PPP4R4: variants seen among roughly 807,000 people sequenced by gnomAD.
PPP4R4 encodes protein phosphatase 4 regulatory subunit 4, also known as serine/threonine-protein phosphatase 4 regulatory subunit 4.
In PPP4R4, 70 loss-of-function variants were observed where a neutral mutation model predicts 121.8. The observed-to-expected ratio is 0.57, with a 90% confidence interval of 0.47 to 0.70. The LOEUF (loss-of-function observed/expected upper bound fraction) is 0.70, where lower values mean the gene tolerates loss of function less well. PPP4R4 is among the 30% of genes least tolerant of loss of function. The pLI, the probability that PPP4R4 is intolerant of heterozygous loss-of-function variation, is 0.00. For missense variants in PPP4R4, 875 were observed against 1,033.6 expected (o/e 0.85, Z 2.10); for synonymous variants, 348 against 355.7 (o/e 0.98, Z 0.24).
chr14:94,253,925 A>G (rs950371369), intron 16 of PPP4R4, among the ~76,000 whole-genome samples: 1 of 152,182 alleles, frequency 6.6e-6, no homozygotes, highest in African/African-American at 2.4e-5. Context: ...CATCACAGGC[A>G]AGGGTGGTAG....
chr14:94,235,047 A>T (rs1007692643), intron 7 of PPP4R4, among the ~76,000 whole-genome samples: 4 of 152,200 alleles, frequency 2.6e-5, no homozygotes, highest in Non-Finnish European at 5.9e-5. Context: ...AAATCTGAGG[A>T]TGCTCAAGTC....
At chr14:94,275,664 A>T in intron 24 of PPP4R4, 143 bp downstream of exon 24, 1 of 923,380 alleles carries the variant, frequency 1.1e-6, no homozygotes, top group Non-Finnish European at 1.6e-6. Context: ...TTATTGTCAC[A>T]TGTGACTCTG....
intron 2 of PPP4R4, among the ~76,000 whole-genome samples, chr14:94,203,659 G>A (rs954408783): frequency 3.9e-5 from 6 of 152,044 alleles, no homozygotes; most frequent in East Asian, 1.9e-4. Context: ...TGGCTATACC[G>A]GCTTACATTC....
At chr14:94,202,287 C>T (rs1253733387) in intron 2 of PPP4R4, among the ~76,000 whole-genome samples, 1 of 151,924 alleles carries the variant, frequency 6.6e-6, no homozygotes, top group Non-Finnish European at 1.5e-5. Context: ...CCACCTGTTC[C>T]CCAAAAACCT....
intron 3 of PPP4R4, among the ~76,000 whole-genome samples, chr14:94,223,188 G>T (rs1029004861): frequency 2.0e-5 from 3 of 151,906 alleles, no homozygotes; most frequent in Non-Finnish European, 2.9e-5. Flanking sequence ...CTTTTGGCAT[G>T]TTTATATTTT....
intron 14 of PPP4R4, among the ~76,000 whole-genome samples, chr14:94,248,329 T>C (rs980116202): frequency 6.6e-6 from 1 of 152,018 alleles, no homozygotes; most frequent in African/African-American, 2.4e-5. Flanking sequence ...ACAAAAAAAA[T>C]ATCCAGTAAC....
chr14:94,175,264 C>T (rs1045853025), intron 1 of PPP4R4, among the ~76,000 whole-genome samples: 1 of 151,988 alleles, frequency 6.6e-6, no homozygotes, highest in Admixed American at 6.5e-5. Flanking sequence ...TCGTCCTGGT[C>T]CCTGTCTACA....
chr14:94,190,827 T>C (rs890224272), intron 2 of PPP4R4, among the ~76,000 whole-genome samples: 10 of 151,936 alleles, frequency 6.6e-5, no homozygotes, highest in African/African-American at 2.4e-4. Flanking sequence ...TTTGATAATA[T>C]TCCCTTTTAC....
At chr14:94,269,106 G>T (rs1245369220) in intron 23 of PPP4R4, among the ~76,000 whole-genome samples, 1 of 152,096 alleles carries the variant, frequency 6.6e-6, no homozygotes, top group Non-Finnish European at 1.5e-5. Flanking sequence ...TCTATAAAGA[G>T]AAAATGGAAG....
Position 94,187,490 on chromosome 14 carries a change from A to G in PPP4R4, c.191+11363A>G, listed in dbSNP as rs117117105. The stretch of plus-strand genomic sequence containing the variant: ...CAAAGTTAGTATAGAAAGTTCCTAT[A>G]TATCTTCCACCAGTGTCCCCTAATG... On this transcript the variant is annotated intron_variant, in intron 2 of 24. Transcript: ENST00000304338. Among the ~76,000 whole-genome samples, 539 of 152,270 alleles carry G rather than the reference A, an allele frequency of 3.5e-3. 3 individuals carry two copies. Among genetic ancestry groups the G allele is most frequent in the Non-Finnish European group, 5.9e-3 (401 of 68,010 alleles).
chr14:94,237,763 A>C, intron 8 of PPP4R4, 77 bp downstream of exon 8: 1 of 1,496,456 alleles, frequency 6.7e-7, no homozygotes, highest in Non-Finnish European at 9.1e-7. Flanking sequence ...AAGGAATAAA[A>C]GTAGATTTAG....
At chr14:94,242,992 A>G (rs1892712542) in intron 11 of PPP4R4, among the ~76,000 whole-genome samples, 1 of 152,150 alleles carries the variant, frequency 6.6e-6, no homozygotes, top group Non-Finnish European at 1.5e-5. Context: ...ATAAATACGG[A>G]TAAGCTATAA....
intron 11 of PPP4R4, 21 bp from the exon 12 acceptor site, chr14:94,244,614 G>A (rs186217878): frequency 1.3e-4 from 188 of 1,456,768 alleles, no homozygotes; most frequent in Non-Finnish European, 1.7e-4. Context: ...AAATCTGAGA[G>A]ACTTTATTGC....
chr14:94,257,671 A>ACG (rs755005324), intron 17 of PPP4R4, among the ~76,000 whole-genome samples: 2 of 147,040 alleles, frequency 1.4e-5, no homozygotes, highest in African/African-American at 2.5e-5. Flanking sequence ...ACACACACAC[A>ACG]CACACTTGTT....
chr14:94,212,164 T>G, intron 3 of PPP4R4, among the ~76,000 whole-genome samples: 1 of 152,224 alleles, frequency 6.6e-6, no homozygotes, highest in Non-Finnish European at 1.5e-5. Context: ...GCTGGCCTTA[T>G]GTATTATAAA....
intron 24 of PPP4R4, among the ~76,000 whole-genome samples, chr14:94,276,453 G>C (rs1894644698): frequency 6.6e-6 from 1 of 152,220 alleles, no homozygotes; most frequent in Non-Finnish European, 1.5e-5. Flanking sequence ...AGGAAGCATA[G>C]CGGCATCTGC....
At chr14:94,246,283 G>A (rs1892891007) in intron 13 of PPP4R4, 74 bp from the exon 14 acceptor site, 7 of 1,316,856 alleles carry the variant, frequency 5.3e-6, no homozygotes, top group Non-Finnish European at 7.3e-6. Context: ...TCCCCAATGT[G>A]TTATAAGACT....
intron 3 of PPP4R4, among the ~76,000 whole-genome samples, chr14:94,228,391 A>C (rs530391588): frequency 6.6e-6 from 1 of 152,290 alleles, no homozygotes; most frequent in East Asian, 1.9e-4. Flanking sequence ...GTGCTTTACT[A>C]TTCTGTTTCT....
chr14:94,278,114 G>A (rs1349872618), intron 24 of PPP4R4, among the ~76,000 whole-genome samples: 1 of 152,140 alleles, frequency 6.6e-6, no homozygotes, highest in Non-Finnish European at 1.5e-5. Flanking sequence ...TTTAAAATAA[G>A]CCTATGAGGT....
Sources: allele counts gnomAD v4.1 joint callset (sites outside exome capture counted in the v4.1 genomes callset), GRCh38; gene constraint gnomAD v4.1.1; transcripts MANE v1.5; gene names NCBI Gene and HGNC (gene_info 2026-07-23, HGNC 2026-07-21).